IL17RA: variants seen among roughly 807,000 people sequenced by gnomAD.
The protein encoded by IL17RA is interleukin 17 receptor A, also known as interleukin-17 receptor A.
IL17RA carries 34 observed loss-of-function variants against 50.4 expected under a neutral mutation model. That is an observed-to-expected ratio of 0.67 (90% CI 0.51 to 0.90). IL17RA has a LOEUF of 0.90. Ranked by LOEUF, IL17RA falls within the 40% of genes least tolerant of loss-of-function variation. The pLI is 0.00. For synonymous variants in IL17RA, 585 were observed against 510.4 expected (o/e 1.15, Z -1.97); for missense variants, 1,276 against 1,169.8 (o/e 1.09, Z -1.32).
chr22:17,085,278 G>A (rs1255407342), intron 1 of IL17RA, 49 bp downstream of exon 1: 2 of 1,532,484 alleles, frequency 1.3e-6, no homozygotes, highest in Non-Finnish European at 1.7e-6. Context: ...TGCGGACGCG[G>A]GGCAAGGTCG....
At chr22:17,100,518 G>A in intron 5 of IL17RA, 37 bp downstream of exon 5, 6 of 1,611,398 alleles carry the variant, frequency 3.7e-6, no homozygotes, top group Non-Finnish European at 5.1e-6. Context: ...CTCCCCAATG[G>A]CCTCTGTGAG....
intron 1 of IL17RA, among the ~76,000 whole-genome samples, chr22:17,087,380 CT>C (rs1429087986): frequency 6.6e-6 from 1 of 152,226 alleles, no homozygotes; most frequent in East Asian, 1.9e-4. Context: ...TCCATGCCAC[CT>C]TCCAGAATGT....
intron 1 of IL17RA, among the ~76,000 whole-genome samples, chr22:17,094,683 C>CTATA (rs1391959400): frequency 3.2e-4 from 15 of 47,022 alleles, no homozygotes; most frequent in East Asian, 3.2e-3. Context: ...CTCTCTCTCT[C>CTATA]TCTCTCTCTA....
chr22:17,092,836 A>G (rs1230010017), intron 1 of IL17RA, among the ~76,000 whole-genome samples: 2 of 152,080 alleles, frequency 1.3e-5, no homozygotes, highest in African/African-American at 4.8e-5. Flanking sequence ...TCTAATGATC[A>G]TATATTTTTT....
intron 12 of IL17RA, 47 bp downstream of exon 12, chr22:17,107,815 A>C (rs1419482485): frequency 1.9e-6 from 3 of 1,561,216 alleles, no homozygotes; most frequent in East Asian, 2.2e-5. Context: ...AAAGCAGTGG[A>C]GGGTTCTCCT....
rs1395387997 is a variant in IL17RA at position 17,112,950 on chromosome 22, G to A, written c.*3130G>A. On this transcript the variant is annotated 3_prime_UTR_variant, in exon 13 of 13. Coordinates refer to ENST00000319363, the MANE Select transcript of IL17RA (RefSeq NM_014339.7). ...CCAACAAGCTCCCAACTCCCGCGTA[G>A]AGTTTCATGACTTTTTCCTGCCTAC... 6.6e-6 allele frequency: 1 copy of A among 150,768 alleles called. No homozygotes were observed. The highest frequency in any genetic ancestry group is 1.5e-5 in the Non-Finnish European group (1 of 67,854). The allele number at this position is 150,768 out of a possible 1,614,324, so 9.3% of individuals were successfully genotyped here. A position where few individuals can be genotyped will look rare whatever the true frequency, so the allele number is the denominator to read the frequency against.
Position 17,109,715 on chromosome 22 carries a change from C to T in IL17RA, c.2496C>T (p.Asp832=). The part of the protein sequence containing the change: ...GKPALPLSPE[D]LESLRSLQRQ... ...CGGCCCTGCCACTCTCTCCCGAGGA[C>T]CTGGAGAGCCTGAGGAGCCTCCAGC... The change falls in exon 13 of 13, where the codon GAC becomes GAT. Residue 832 remains aspartate (D), a synonymous_variant. Transcript: ENST00000319363. 6.3e-7 allele frequency: 1 copy of T among 1,583,894 alleles called. No homozygotes were observed. Among genetic ancestry groups the T allele is most frequent in the Non-Finnish European group, 8.6e-7 (1 of 1,165,784 alleles).
chr22:17,104,890 TG>T (rs1477809819), intron 9 of IL17RA, 80 bp downstream of exon 9: 82 of 1,346,874 alleles, frequency 6.1e-5, no homozygotes, highest in Non-Finnish European at 7.5e-5. Flanking sequence ...CGTCCTTACC[TG>T]GTTCTGAGGG....
In IL17RA at chr22:17,107,756, A is replaced by C. The variant is rs780892513; in HGVS notation, c.1075A>C (p.Thr359Pro). 9.3e-6 allele frequency: 15 copies of C among 1,613,710 alleles called. No homozygotes were observed. The South Asian group carries it at 1.6e-4, about 18-fold the overall frequency. The change falls in exon 12 of 13, where the codon ACC becomes CCC. Residue 359 changes from threonine (T) to proline (P), a missense_variant. Transcript: ENST00000319363. Reference sequence around the variant, plus strand: ...TGGAAGTGAAAAATACAGTGATGACACCAAATACACCGGTCAGTATTTCCT... The same window carrying C: ...TGGAAGTGAAAAATACAGTGATGACCCCAAATACACCGGTCAGTATTTCCT... ...GPGSEKYSDD[T>P]KYTDGLPAAD...
Position 17,100,441 on chromosome 22 carries a change from T to TG in IL17RA, c.514dup (p.Asp172GlyfsTer13), listed in dbSNP as rs2061386778. On this transcript the variant is annotated frameshift_variant, in exon 5 of 13. Coordinates refer to ENST00000319363, the MANE Select transcript of IL17RA (RefSeq NM_014339.7). LOFTEE classifies it high-confidence loss of function. The stretch of plus-strand genomic sequence containing the variant: ...ACCACCTGCCCAAGCCCATCCCTGA[T>TG]GGGGACCCAAACCACCAGTCCAAGA... 6.2e-7 allele frequency: 1 copy of TG among 1,614,068 alleles called. No individual in the cohort carries two copies. Among genetic ancestry groups the TG allele is most frequent in the African/African-American group, 1.3e-5 (1 of 74,914 alleles).
intron 11 of IL17RA, 76 bp downstream of exon 11, chr22:17,106,030 C>G (rs186383961): frequency 2.9e-4 from 328 of 1,147,812 alleles, no homozygotes; most frequent in Middle Eastern, 5.8e-4. Context: ...AGGCAAATCG[C>G]TTTATTCTCA....
At chr22:17,106,790 A>G (rs2241049) in intron 11 of IL17RA, among the ~76,000 whole-genome samples, 57,038 of 152,092 alleles carry the variant, frequency 0.38, 10,805 homozygotes, top group Admixed American at 0.42. Flanking sequence ...GGGAGGTTCC[A>G]ATAACATTCA....
At position 17,101,991 on chromosome 22, in the gene IL17RA, G is replaced by C. The variant is rs747009874; in HGVS notation, c.551-5G>C. On this transcript the variant is annotated splice_region_variant and splice_polypyrimidine_tract_variant and intron_variant, in intron 5 of 12. Transcript: ENST00000319363. ...TAATGAGTTTCCTTTTTTCTGGGTC[G>C]ACAGACTGTGAGCACGCCAGGATGA... 1 of 1,614,182 alleles carries C rather than the reference G, an allele frequency of 6.2e-7. No individual in the cohort carries two copies. Among genetic ancestry groups the C allele is most frequent in the Non-Finnish European group, 8.5e-7 (1 of 1,180,008 alleles).
intron 1 of IL17RA, among the ~76,000 whole-genome samples, chr22:17,092,736 C>CG (rs2061352316): frequency 1.1e-5 from 1 of 95,084 alleles, no homozygotes; most frequent in South Asian, 3.3e-4. Flanking sequence ...TCTTTCTTTC[C>CG]TTTTTTAAAA....
Position 17,104,799 on chromosome 22 carries a change from C to T in IL17RA, c.920C>T (p.Pro307Leu). Reference protein sequence around the residue: ...HSATVSCPEMPDTPEPIPDYM... With the variant: ...HSATVSCPEMLDTPEPIPDYM... ...GCGACTGTTTCCTGCCCAGAAATGC[C>T]AGACACTCCAGGTAGGGGACATGCG... Residue 307 changes from proline (P) to leucine (L), a missense_variant, in exon 9 of 13, where the codon CCA becomes CTA. Transcript: ENST00000319363. 6.2e-7 allele frequency: 1 copy of T among 1,614,094 alleles called. No homozygotes were observed. Among genetic ancestry groups the T allele is most frequent in the East Asian group, 2.2e-5 (1 of 44,890 alleles).
At chr22:17,094,802 C>T (rs1455700339) in intron 1 of IL17RA, among the ~76,000 whole-genome samples, 1 of 148,472 alleles carries the variant, frequency 6.7e-6, no homozygotes, top group Non-Finnish European at 1.5e-5. Context: ...TTTCCTCTCT[C>T]ATCAACACAT....
In IL17RA at chr22:17,109,699, C is replaced by T; in HGVS notation, c.2480C>T (p.Pro827Leu). The T allele has an allele frequency of 1.3e-6, 2 of 1,594,090 alleles. No individual in the cohort carries two copies. Among genetic ancestry groups the T allele is most frequent in the Non-Finnish European group, 1.7e-6 (2 of 1,171,210 alleles). Residue 827 changes from proline to leucine, a missense_variant, in exon 13 of 13, where the codon CCA (proline) becomes CTA (leucine). Physicochemically the swap from Pro to Leu is moderately conservative, Grantham distance 98 (BLOSUM62 -3). Transcript: ENST00000319363. ...CAGGACCCAGGGAAGCCGGCCCTGCCACTCTCTCCCGAGGACCTGGAGAGC... is the reference window on the plus strand; with the variant it reads ...CAGGACCCAGGGAAGCCGGCCCTGCTACTCTCTCCCGAGGACCTGGAGAGC... ...EEQDPGKPAL[P>L]LSPEDLESLR...
chr22:17,097,975 A>G, intron 3 of IL17RA, 32 bp downstream of exon 3: 1 of 1,612,656 alleles, frequency 6.2e-7, no homozygotes, highest in Non-Finnish European at 8.5e-7. Context: ...GCCCTGGGGG[A>G]TTCTCCCTGC....
rs1473493013 is a variant in IL17RA at position 17,108,761 on chromosome 22, C to T, written c.1542C>T (p.Pro514=). Residue 514 remains proline, a synonymous_variant, in exon 13 of 13, where the codon CCC becomes CCT. Transcript: ENST00000319363. The part of the protein sequence containing the change: ...FSEVSCDGDV[P]DLFGAAPRYP... ...AGGTCAGCTGTGACGGCGACGTCCC[C>T]GACCTGTTCGGCGCGGCGCCGCGGT... The T allele has an allele frequency of 1.9e-6, 3 of 1,610,550 alleles. No homozygotes were observed. Among genetic ancestry groups the T allele is most frequent in the Admixed American group, 1.7e-5 (1 of 59,724 alleles).
Sources: gnomAD v4.1 joint callset for allele counts (sites outside exome capture counted in the v4.1 genomes callset) on GRCh38, gnomAD v4.1.1 for gene constraint, MANE v1.5 for transcripts, NCBI Gene and HGNC (gene_info 2026-07-23, HGNC 2026-07-21) for gene names.